MTO1: variants seen among roughly 807,000 people sequenced by gnomAD.
The protein encoded by MTO1 is 5-taurinomethyluridine-[tRNA] synthase subunit MTO1, mitochondrial.
MTO1 carries 46 observed loss-of-function variants against 71.6 expected under a neutral mutation model. That is an observed-to-expected ratio of 0.64 (90% confidence interval 0.51 to 0.82). The LOEUF (loss-of-function observed/expected upper bound fraction) is 0.82. Ranked by LOEUF, MTO1 falls within the 40% of genes least tolerant of loss-of-function variation. The pLI, the probability that MTO1 is intolerant of heterozygous loss-of-function variation, is 0.00. For synonymous variants in MTO1, 297 were observed against 312.1 expected (o/e 0.95, Z 0.51); for missense variants, 773 against 867.5 (o/e 0.89, Z 1.37).
At position 73,462,088 on chromosome 6, in the gene MTO1, C is replaced by A; in HGVS notation, c.217+17C>A. ...ACACGATCGGTGAGGAGCGCGGGTG[C>A]TGTGGAACTTGGCGTAGGACGCAGG... On this transcript the variant is annotated intron_variant, in intron 1 of 11. Coordinates refer to ENST00000498286, the MANE Select transcript of MTO1 (RefSeq NM_012123.4). 1 of 1,610,084 alleles carries A rather than the reference C, an allele frequency of 6.2e-7. No individual in the cohort carries two copies. The highest frequency in any genetic ancestry group is 8.5e-7 in the Non-Finnish European group (1 of 1,177,638).
chr6:73,480,969 G>GTTTTTTTTTTTTTTTTTTTTT (rs398001972), intron 7 of MTO1, 164 bp downstream of exon 7: 1 of 204,772 alleles, frequency 4.9e-6, no homozygotes, highest in Non-Finnish European at 8.8e-6. Flanking sequence ...AGATAATAGG[G>GTTTTTTTTTTTTTTTTTTTTT]TTTTTTTTTT....
chr6:73,500,692 A>G lies in MTO1; in HGVS notation c.2036A>G (p.Gln679Arg), dbSNP rs1418465267. Residue 679 changes from glutamine to arginine, a missense_variant, in exon 12 of 12, where the codon CAA becomes CGA. Transcript: ENST00000498286. ...ATGAATGAATCATCCAAGACTGATC[A>G]ATACTTATGTGATGCAGACAGACTT... ...SAMNESSKTD[Q>R]YLCDADRLQE... 4 of 1,609,582 alleles carry G rather than the reference A, an allele frequency of 2.5e-6. No homozygotes were observed. Among genetic ancestry groups the G allele is most frequent in the Non-Finnish European group, 3.4e-6 (4 of 1,178,122 alleles).
chr6:73,484,425 A>G (rs766531360), intron 9 of MTO1, among the ~76,000 whole-genome samples: 21 of 152,124 alleles, frequency 1.4e-4, no homozygotes, highest in Non-Finnish European at 2.2e-4. Flanking sequence ...GTGTTCTCAC[A>G]TAGCAAAAGG....
At chr6:73,475,965 A>G (rs563755738) in intron 4 of MTO1, among the ~76,000 whole-genome samples, 181 of 152,242 alleles carry the variant, frequency 1.2e-3, no homozygotes, top group African/African-American at 4.0e-3. Context: ...CCATTACACA[A>G]TGCATTTTTA....
intron 1 of MTO1, 74 bp downstream of exon 1, chr6:73,462,145 C>A: frequency 2.0e-6 from 3 of 1,477,878 alleles, no homozygotes; most frequent in Non-Finnish European, 1.9e-6. Flanking sequence ...CGGTCTGAAG[C>A]GGGGGACCTC....
At position 73,497,906 on chromosome 6, in the gene MTO1, T is replaced by G; in HGVS notation, c.1917+10T>G. On this transcript the variant is annotated intron_variant, in intron 11 of 11. Coordinates refer to ENST00000498286, the MANE Select transcript of MTO1 (RefSeq NM_012123.4). ...TAGTCGTCCACAGACGGTAAGAAAATAGGCAGGAGAATAGAAACAAGTTAT... is the reference window on the plus strand; with the variant it reads ...TAGTCGTCCACAGACGGTAAGAAAAGAGGCAGGAGAATAGAAACAAGTTAT... 1.3e-6 allele frequency: 2 copies of G among 1,599,240 alleles called. No homozygotes were observed. Among genetic ancestry groups the G allele is most frequent in the Non-Finnish European group, 1.7e-6 (2 of 1,169,764 alleles).
In MTO1 at chr6:73,500,663, G is replaced by A. The variant is rs760282169; in HGVS notation, c.2007G>A (p.Ser669=). ...RFVKTTQRRQ[S]AMNESSKTDQ... ...TGAAGACCACTCAACGAAGACAGTC[G>A]GCTATGAATGAATCATCCAAGACTG... Residue 669 remains serine (S), a synonymous_variant, in exon 12 of 12, where the codon TCG becomes TCA. Transcript: ENST00000498286. The A allele has an allele frequency of 1.1e-5, 17 of 1,613,708 alleles. No individual in the cohort carries two copies. The highest frequency in any genetic ancestry group is 6.7e-5 in the East Asian group (3 of 44,862).
At position 73,506,192 on chromosome 6, in the gene MTO1, T is replaced by A. The variant is rs1412102367; in HGVS notation, c.*5457T>A. Reference sequence around the variant, plus strand: ...ACAGGGTTTCACCATGTTAGCCAGATGGTCTCGATCTCCTGACCTCGTGAT... The same window carrying A: ...ACAGGGTTTCACCATGTTAGCCAGAAGGTCTCGATCTCCTGACCTCGTGAT... On this transcript the variant is annotated 3_prime_UTR_variant, in exon 12 of 12. Transcript: ENST00000498286. The A allele has an allele frequency of 6.6e-6, 1 of 152,228 alleles. No individual in the cohort carries two copies. The highest frequency in any genetic ancestry group is 1.5e-5 in the Non-Finnish European group (1 of 68,156). 9.4% of individuals were successfully genotyped at this position (152,228 alleles called of 1,614,324 possible). A position where few individuals can be genotyped will look rare whatever the true frequency, so the allele number is the denominator to read the frequency against.
At chr6:73,474,304 C>T (rs1245346176) in intron 4 of MTO1, among the ~76,000 whole-genome samples, 9 of 150,954 alleles carry the variant, frequency 6.0e-5, no homozygotes, top group Non-Finnish European at 1.3e-4. Flanking sequence ...AGGCTGGTCT[C>T]GAACTCCTGA....
chr6:73,481,978 T>G (rs1335447643), intron 7 of MTO1, 62 bp from the exon 8 acceptor site: 19 of 1,571,922 alleles, frequency 1.2e-5, no homozygotes, highest in Non-Finnish European at 1.6e-5. Flanking sequence ...AGTAGTGTTC[T>G]GAATGGGATA....
At chr6:73,492,132 G>T in intron 9 of MTO1, 102 bp from the exon 10 acceptor site, 8 of 757,766 alleles carry the variant, frequency 1.1e-5, no homozygotes, top group African/African-American at 1.8e-5. Context: ...ATAATCTTTT[G>T]GTATTTATTC....
At chr6:73,476,012 G>C (rs549537718) in intron 4 of MTO1, among the ~76,000 whole-genome samples, 7 of 152,190 alleles carry the variant, frequency 4.6e-5, no homozygotes, top group African/African-American at 1.7e-4. Flanking sequence ...TAGATGACCT[G>C]CTTCTGGGGT....
Position 73,466,398 on chromosome 6 carries a change from A to G in MTO1, c.407A>G (p.Gln136Arg). 1.2e-6 allele frequency: 2 copies of G among 1,614,192 alleles called. No individual in the cohort carries two copies. The highest frequency in any genetic ancestry group is 1.7e-6 in the Non-Finnish European group (2 of 1,180,016). ...CAGATTGATAGGAAACTCTATAAAC[A>G]GAACATGCAGGTAAGAATAGGGCAT... ...RAQIDRKLYKQNMQKEILNTP... is the reference protein window; with the variant it reads ...RAQIDRKLYKRNMQKEILNTP... Residue 136 changes from glutamine (Q) to arginine (R), a missense_variant, in exon 2 of 12, where the codon CAG becomes CGG. Physicochemically the swap from Gln to Arg is conservative, Grantham distance 43. Transcript: ENST00000498286.
At chr6:73,462,604 C>T (rs1483074755) in intron 1 of MTO1, among the ~76,000 whole-genome samples, 1 of 152,062 alleles carries the variant, frequency 6.6e-6, no homozygotes, top group Non-Finnish European at 1.5e-5. Context: ...TGGCGGGCGC[C>T]TATAATCCCA....
At position 73,480,743 on chromosome 6, in the gene MTO1, C is replaced by G. The variant is rs1439467286; in HGVS notation, c.1198C>G (p.Gln400Glu). 3.7e-6 allele frequency: 6 copies of G among 1,613,848 alleles called. No individual in the cohort carries two copies. Among genetic ancestry groups the G allele is most frequent in the Middle Eastern group, 1.6e-4 (1 of 6,084 alleles). ...CCCTTCCTTGGAGACTCATTTGGTT[C>G]AACGACTCTTCTTTGCTGGACAGAT... ...ITPSLETHLV[Q>E]RLFFAGQING... Residue 400 changes from glutamine to glutamate, a missense_variant, in exon 7 of 12, where the codon CAA becomes GAA. Physicochemically the swap from Gln to Glu is conservative, Grantham distance 29. Coordinates refer to ENST00000498286, the MANE Select transcript of MTO1 (RefSeq NM_012123.4).
intron 1 of MTO1, among the ~76,000 whole-genome samples, chr6:73,465,246 C>T (rs1770950247): frequency 6.6e-6 from 1 of 151,848 alleles, no homozygotes; most frequent in Admixed American, 6.6e-5. Flanking sequence ...TCACTGCAAC[C>T]TCAGCCTCCC....
intron 1 of MTO1, among the ~76,000 whole-genome samples, chr6:73,465,460 G>A (rs932953678): frequency 6.6e-6 from 1 of 151,200 alleles, no homozygotes; most frequent in Non-Finnish European, 1.5e-5. Context: ...CACCACACCC[G>A]GCCCTGTTTT....
At chr6:73,466,726 A>G in intron 3 of MTO1, 120 bp downstream of exon 3, 1 of 793,958 alleles carries the variant, frequency 1.3e-6, no homozygotes, top group South Asian at 1.7e-5. Flanking sequence ...CATTTTCTCT[A>G]CCTGGATGAG....
At chr6:73,486,313 T>C (rs1192040200) in intron 9 of MTO1, among the ~76,000 whole-genome samples, 1 of 152,152 alleles carries the variant, frequency 6.6e-6, no homozygotes, top group African/African-American at 2.4e-5. Flanking sequence ...GGTTGCAAAA[T>C]AGATCTCCAG....
Sources: allele counts gnomAD v4.1 joint callset (sites outside exome capture counted in the v4.1 genomes callset), GRCh38; gene constraint gnomAD v4.1.1; transcripts MANE v1.5; gene names NCBI Gene and HGNC (gene_info 2026-07-23, HGNC 2026-07-21).